STK33: variants seen among roughly 807,000 people sequenced by gnomAD.
STK33 encodes serine/threonine kinase 33.
STK33 carries 52 observed loss-of-function variants against 58.0 expected under a neutral mutation model. The observed-to-expected ratio is 0.90, with a 90% confidence interval of 0.72 to 1.13. The LOEUF (loss-of-function observed/expected upper bound fraction) is 1.13. Among genes scored for constraint, STK33 ranks in the 50% most tolerant of loss-of-function variants. STK33 has a pLI of 0.00. For missense variants in STK33, 630 were observed against 604.2 expected (o/e 1.04, Z -0.45); for synonymous variants, 215 against 200.1 (o/e 1.07, Z -0.63).
chr11:8,494,345 T>C (rs569953785), intron 1 of STK33, among the ~76,000 whole-genome samples: 453 of 152,264 alleles, frequency 3.0e-3, no homozygotes, highest in African/African-American at 0.01. Flanking sequence ...CCATTCACAA[T>C]TGCTACAAAG....
intron 1 of STK33, among the ~76,000 whole-genome samples, chr11:8,504,169 C>T (rs1181241258): frequency 6.6e-6 from 1 of 152,156 alleles, no homozygotes; most frequent in Non-Finnish European, 1.5e-5. Flanking sequence ...TTTAGCCAGA[C>T]ATAAGCCTGT....
At chr11:8,336,829 C>A in the STK33 span, among the ~76,000 whole-genome samples, 2 of 152,230 alleles carry the variant, frequency 1.3e-5, no homozygotes, top group Non-Finnish European at 2.9e-5. Flanking sequence ...GTGGGGCCCG[C>A]GGGCTGCAAG....
intron 13 of STK33, 42 bp downstream of exon 13, chr11:8,435,985 A>T: frequency 8.3e-7 from 1 of 1,205,484 alleles, no homozygotes; most frequent in Non-Finnish European, 1.1e-6. Context: ...TTCTTATGTT[A>T]CTTATATTAG....
chr11:8,436,580 A>C (rs756105531), intron 12 of STK33, among the ~76,000 whole-genome samples: 3 of 152,238 alleles, frequency 2.0e-5, no homozygotes, highest in Non-Finnish European at 4.4e-5. Context: ...AAATACAATG[A>C]GTTATCAGGG....
At chr11:8,492,932 G>A (rs1034852202) in intron 1 of STK33, among the ~76,000 whole-genome samples, 1 of 152,206 alleles carries the variant, frequency 6.6e-6, no homozygotes, top group South Asian at 2.1e-4. Context: ...AGAATCTCTG[G>A]GACACATTTA....
At chr11:8,449,845 T>G (rs189229106) in intron 11 of STK33, among the ~76,000 whole-genome samples, 1 of 152,224 alleles carries the variant, frequency 6.6e-6, no homozygotes, top group Non-Finnish European at 1.5e-5. Flanking sequence ...ATCATAACCA[T>G]AATGAGATAC....
chr11:8,352,810 C>T, the STK33 span, among the ~76,000 whole-genome samples: 2 of 152,156 alleles, frequency 1.3e-5, no homozygotes, highest in African/African-American at 4.8e-5. Context: ...ATGTTAATAA[C>T]CATTCTAGGT....
rs1223685783 is a variant in STK33, at chr11:8,457,388, C to T, written c.650G>A (p.Trp217Ter). The change falls in exon 9 of 16, where the codon TGG (tryptophan) becomes TAG (stop). Residue 217 changes from tryptophan to a stop codon, truncating the protein, a stop_gained. Transcript: ENST00000687296. LOFTEE classifies it high-confidence loss of function. ...AGCTGATGCGAGACTTTGAATGATC[C>T]ACCTTGTCTCATTCTCTGAGAAATG... ...KGHFSENETR[W>*]IIQSLASAIA... 1.2e-6 allele frequency: 2 copies of T among 1,605,350 alleles called. No homozygotes were observed. Among genetic ancestry groups the T allele is most frequent in the Non-Finnish European group, 1.7e-6 (2 of 1,174,042 alleles).
chr11:8,400,599 A>G (rs567517626), intron 15 of STK33, among the ~76,000 whole-genome samples: 3 of 152,328 alleles, frequency 2.0e-5, no homozygotes, highest in African/African-American at 7.2e-5. Context: ...TATTTAACAT[A>G]GTGTTGGAAG....
intron 14 of STK33, among the ~76,000 whole-genome samples, chr11:8,418,375 A>C (rs1043433178): frequency 6.6e-6 from 1 of 152,196 alleles, no homozygotes; most frequent in Non-Finnish European, 1.5e-5. Flanking sequence ...TTTGCTAAAG[A>C]TAACAGCCTC....
intron 6 of STK33, chr11:8,467,471 C>T (rs570392247): frequency 6.6e-6 from 1 of 152,344 alleles, no homozygotes; most frequent in African/African-American, 2.4e-5. Flanking sequence ...TGCTCCAGTT[C>T]CCAAGAAGTT....
chr11:8,503,144 AC>A (rs1951635145), intron 1 of STK33, among the ~76,000 whole-genome samples: 1 of 152,214 alleles, frequency 6.6e-6, no homozygotes, highest in African/African-American at 2.4e-5. Context: ...AAATCATTCT[AC>A]TATAAAGACA....
chr11:8,523,698 G>A (rs1233606950), intron 1 of STK33, among the ~76,000 whole-genome samples: 4 of 139,996 alleles, frequency 2.9e-5, no homozygotes, highest in African/African-American at 1.0e-4. Context: ...ACTTCCGGGA[G>A]GTGGGGGGTG....
At chr11:8,343,135 C>A in the STK33 span, among the ~76,000 whole-genome samples, 3 of 152,268 alleles carry the variant, frequency 2.0e-5, no homozygotes, top group African/African-American at 4.8e-5. Context: ...GCCCAGAGGG[C>A]AAATCCAGCC....
chr11:8,363,721 A>G, the STK33 span, among the ~76,000 whole-genome samples: 2 of 152,246 alleles, frequency 1.3e-5, no homozygotes, highest in African/African-American at 4.8e-5. Context: ...GAGGAAAAGT[A>G]TAATTGTTCT....
intron 1 of STK33, among the ~76,000 whole-genome samples, chr11:8,591,803 G>A (rs959981491): frequency 1.3e-5 from 2 of 150,870 alleles, no homozygotes; most frequent in African/African-American, 4.9e-5. Context: ...CATGGACACA[G>A]GAAGGGAAAC....
Position 8,529,618 on chromosome 11 carries a change from A to G in STK33, c.-465-49004T>C, listed in dbSNP as rs988238952. Among the ~76,000 whole-genome samples the G allele has an allele frequency of 2.0e-5, 3 of 152,290 alleles. No individual in the cohort carries two copies. The East Asian group carries it at 5.8e-4, about 29-fold the overall frequency. ...TATCTGGTGGGCCCTAAGTAATCAC[A>G]AGGATCCCTATAAGGAGGGAAAAAA... On this transcript the variant is annotated intron_variant, in intron 1 of 15. Coordinates refer to ENST00000687296, the MANE Select transcript of STK33 (RefSeq NM_001352389.2).
chr11:8,400,857 A>C (rs1246281152), intron 15 of STK33, among the ~76,000 whole-genome samples: 1 of 152,130 alleles, frequency 6.6e-6, no homozygotes, highest in African/African-American at 2.4e-5. Context: ...TCATGAGTGA[A>C]CTCCCATTCA....
chr11:8,378,229 C>T, the STK33 span, among the ~76,000 whole-genome samples: 46 of 152,280 alleles, frequency 3.0e-4, no homozygotes, highest in Non-Finnish European at 2.5e-4. Flanking sequence ...GGGGGGAAGC[C>T]CCTTAAAAAA....
Sources: gnomAD v4.1 joint callset for allele counts (sites outside exome capture counted in the v4.1 genomes callset) on GRCh38, gnomAD v4.1.1 for gene constraint, MANE v1.5 for transcripts, NCBI Gene and HGNC (gene_info 2026-07-23, HGNC 2026-07-21) for gene names.